Variants in PACS1 observed in about 807,000 individuals in gnomAD.
PACS1 encodes the protein PACS-1.
Under a neutral mutation model 115.0 loss-of-function variants are expected in PACS1, and 24 were observed. The ratio of observed to expected loss-of-function variants is 0.21; its 90% CI spans 0.15 to 0.29. PACS1 has a LOEUF of 0.29. PACS1 is among the 10% of genes least tolerant of loss of function. The pLI is 1.00. For missense variants in PACS1, 838 were observed against 1,251.2 expected (o/e 0.67, Z 4.98); for synonymous variants, 453 against 504.5 (o/e 0.90, Z 1.37).
intron 1 of PACS1, among the ~76,000 whole-genome samples, chr11:66,078,198 G>T (rs1857426834): frequency 6.6e-6 from 1 of 152,210 alleles, no homozygotes; most frequent in South Asian, 2.1e-4. Context: ...AAATACAGTG[G>T]TATCCACAGG....
intron 1 of PACS1, among the ~76,000 whole-genome samples, chr11:66,164,831 T>A (rs1177662455): frequency 6.6e-6 from 1 of 151,868 alleles, no homozygotes; most frequent in Non-Finnish European, 1.5e-5. Context: ...TTCACATCTC[T>A]TCCCTATATT....
In PACS1 at chr11:66,235,425, T is replaced by C. The variant is rs74817975; in HGVS notation, c.2207+22T>C. On this transcript the variant is annotated intron_variant, in intron 18 of 23. Coordinates refer to ENST00000320580, the MANE Select transcript of PACS1 (RefSeq NM_018026.4). The surrounding 1 kb of genome is among the most constrained non-coding windows in gnomAD (Gnocchi z 5.6). The stretch of plus-strand genomic sequence containing the variant: ...AGTTGTAAGTTTGACTTTGAGGGGT[T>C]TCTTAAAAATAGGTTGGGTGGGTTA... The C allele has an allele frequency of 2.0e-3, 3,041 of 1,544,608 alleles. 52 individuals are homozygous for C. The Admixed American group carries it at 0.036, about 18-fold the overall frequency.
intron 4 of PACS1, among the ~76,000 whole-genome samples, chr11:66,214,930 A>G (rs906603256): frequency 2.7e-5 from 4 of 149,136 alleles, no homozygotes; most frequent in South Asian, 4.3e-4. Flanking sequence ...CCAAGCAACC[A>G]TTTTCTTTTC....
Position 66,100,164 on chromosome 11 carries a change from G to C in PACS1, c.356+29322G>C, listed in dbSNP as rs538423991. Among the ~76,000 whole-genome samples the C allele has an allele frequency of 8.5e-5, 13 of 152,308 alleles. No homozygotes were observed. The East Asian group carries it at 2.3e-3, about 27-fold the overall frequency. ...CAAAGTGCTGGGATTACAGGCGTGG[G>C]CCACCACGCCTGCCTTTTTCTTTAT... On this transcript the variant is annotated intron_variant, in intron 1 of 23. Coordinates refer to ENST00000320580, the MANE Select transcript of PACS1 (RefSeq NM_018026.4).
At chr11:66,094,105 A>C (rs1323229447) in intron 1 of PACS1, among the ~76,000 whole-genome samples, 1 of 151,058 alleles carries the variant, frequency 6.6e-6, no homozygotes, top group African/African-American at 2.4e-5. Context: ...GGAAGATCCA[A>C]AATTGACACC....
intron 1 of PACS1, among the ~76,000 whole-genome samples, chr11:66,140,082 G>A (rs1206737812): frequency 6.6e-6 from 1 of 152,194 alleles, no homozygotes; most frequent in Non-Finnish European, 1.5e-5. Context: ...CAACTCTGAT[G>A]TGGTAAAAAC....
At chr11:66,142,324 T>A (rs937315007) in intron 1 of PACS1, among the ~76,000 whole-genome samples, 9 of 152,188 alleles carry the variant, frequency 5.9e-5, no homozygotes, top group East Asian at 1.9e-4. Flanking sequence ...TTTTAATTTT[T>A]ATTTTTTTGG....
intron 11 of PACS1, among the ~76,000 whole-genome samples, chr11:66,229,861 G>A (rs1346868504): frequency 6.6e-6 from 1 of 151,890 alleles, no homozygotes; most frequent in East Asian, 1.9e-4. Flanking sequence ...CAGGAGAATT[G>A]CTTGAACTTG....
At position 66,070,350 on chromosome 11, in the gene PACS1, C is replaced by T. The variant is rs1857284623; in HGVS notation, c.-137C>T. 5.4e-6 allele frequency: 2 copies of T among 368,698 alleles called. No individual in the cohort carries two copies. The highest frequency in any genetic ancestry group is 2.2e-5 in the African/African-American group (1 of 46,052). 22.8% of individuals were successfully genotyped at this position (368,698 alleles called of 1,614,324 possible). ...CGCGCGCCCAGAGGCCCCGCGCGTG[C>T]GTGCAGCTCGCTGGCTGCTCGCGCT... On this transcript the variant is annotated 5_prime_UTR_variant, in exon 1 of 24. Transcript: ENST00000320580. This position sits in a 1 kb window ranked among gnomAD's most constrained non-coding sequence, Gnocchi z 5.9.
At chr11:66,072,001 C>A (rs1330468738) in intron 1 of PACS1, among the ~76,000 whole-genome samples, 1 of 152,170 alleles carries the variant, frequency 6.6e-6, no homozygotes, top group African/African-American at 2.4e-5. Context: ...TGACTGTCTC[C>A]CCTCTTCCTT....
intron 1 of PACS1, among the ~76,000 whole-genome samples, chr11:66,106,696 C>CA (rs1385814595): frequency 1.3e-5 from 2 of 151,836 alleles, no homozygotes; most frequent in East Asian, 3.9e-4. Context: ...GTTGAGGCTG[C>CA]AGTAAGCCAG....
At chr11:66,207,164 T>C (rs1428964683) in intron 2 of PACS1, among the ~76,000 whole-genome samples, 2 of 152,114 alleles carry the variant, frequency 1.3e-5, no homozygotes, top group African/African-American at 4.8e-5. Context: ...AAACAAAACC[T>C]CGATACCATT....
chr11:66,078,076 T>A (rs1857425144), intron 1 of PACS1, among the ~76,000 whole-genome samples: 1 of 152,190 alleles, frequency 6.6e-6, no homozygotes, highest in Non-Finnish European at 1.5e-5. Context: ...TTTTTCTGAA[T>A]CTCAAATATC....
intron 1 of PACS1, among the ~76,000 whole-genome samples, chr11:66,124,871 G>A (rs1305701946): frequency 6.6e-6 from 1 of 152,180 alleles, no homozygotes; most frequent in Non-Finnish European, 1.5e-5. Flanking sequence ...GCATCAAGGA[G>A]CCAAGTTCAT....
At chr11:66,242,812 C>T (rs1312899505) in intron 22 of PACS1, 100 bp from the exon 23 acceptor site, 3 of 1,526,162 alleles carry the variant, frequency 2.0e-6, no homozygotes, top group Middle Eastern at 2.3e-4. Context: ...TTGCAGATCA[C>T]CTCCCCTCGC....
At chr11:66,075,218 C>T (rs896426144) in intron 1 of PACS1, among the ~76,000 whole-genome samples, 1 of 152,128 alleles carries the variant, frequency 6.6e-6, no homozygotes, top group African/African-American at 2.4e-5. Context: ...GCTGGGATTA[C>T]AGGCGTGAGC....
intron 1 of PACS1, among the ~76,000 whole-genome samples, chr11:66,189,507 T>C (rs1854467176): frequency 6.6e-6 from 1 of 152,262 alleles, no homozygotes; most frequent in African/African-American, 2.4e-5. Context: ...TTCTGGGGCA[T>C]AATAGAGCAG....
chr11:66,077,385 A>G (rs752184077), intron 1 of PACS1, among the ~76,000 whole-genome samples: 9 of 152,116 alleles, frequency 5.9e-5, no homozygotes, highest in Non-Finnish European at 1.0e-4. Flanking sequence ...CAACATGGCA[A>G]CCCCTCTCCA....
At chr11:66,164,792 A>C (rs1590790265) in intron 1 of PACS1, among the ~76,000 whole-genome samples, 1 of 151,382 alleles carries the variant, frequency 6.6e-6, no homozygotes. Context: ...CATTGTTTAT[A>C]GTTTGTTGAC....
Sources: gnomAD v4.1 joint callset for allele counts (sites outside exome capture counted in the v4.1 genomes callset) on GRCh38, gnomAD v4.1.1 for gene constraint, Gnocchi (gnomAD v3.1) non-coding constraint, MANE v1.5 for transcripts, NCBI Gene and HGNC (gene_info 2026-07-23, HGNC 2026-07-21) for gene names.